The following PIEZO2 variants were observed in gnomAD, a reference collection of about 807,000 sequenced individuals.
The protein encoded by PIEZO2 is piezo type mechanosensitive ion channel component 2.
Under a neutral mutation model 337.3 loss-of-function variants are expected in PIEZO2, and 172 were observed. That is an observed-to-expected ratio of 0.51 (90% CI 0.45 to 0.58). The LOEUF is 0.58. Ranked by LOEUF, PIEZO2 falls within the 20% of genes least tolerant of loss-of-function variation. The pLI, the probability that PIEZO2 is intolerant of heterozygous loss-of-function variation, is 0.00. For synonymous variants in PIEZO2, 1,251 were observed against 1,228.5 expected (o/e 1.02, Z -0.38); for missense variants, 3,028 against 3,391.3 (o/e 0.89, Z 2.66).
chr18:11,113,171 C>T (rs1180391621), intron 1 of PIEZO2, among the ~76,000 whole-genome samples: 1 of 150,296 alleles, frequency 6.7e-6, no homozygotes, highest in African/African-American at 2.5e-5. Flanking sequence ...CCACCCCAGC[C>T]CCTGAAACCC....
rs779014437 is a variant in PIEZO2, at chr18:11,109,454, G to A, written c.64+39071C>T. Reference sequence around the variant, plus strand: ...AAATAGGCCAGGCGCGGTGGCTCATGTCTGTAATCCCAGCACTTTGGGAGG... The same window carrying A: ...AAATAGGCCAGGCGCGGTGGCTCATATCTGTAATCCCAGCACTTTGGGAGG... On this transcript the variant is annotated intron_variant, in intron 1 of 55. Coordinates refer to ENST00000674853, the MANE Select transcript of PIEZO2 (RefSeq NM_001378183.1). This position sits in a 1 kb window ranked among gnomAD's most constrained non-coding sequence, Gnocchi z 5.1. Among the ~76,000 whole-genome samples, 2 of 152,170 alleles carry A rather than the reference G, an allele frequency of 1.3e-5. No individual in the cohort carries two copies. The highest frequency in any genetic ancestry group is 2.4e-5 in the African/African-American group (1 of 41,436).
At chr18:10,843,208 TAAC>T (rs1186189857) in intron 7 of PIEZO2, among the ~76,000 whole-genome samples, 2 of 152,204 alleles carry the variant, frequency 1.3e-5, no homozygotes, top group East Asian at 3.8e-4. Context: ...TCTTAACTCT[TAAC>T]AAACAAGATG....
At chr18:10,671,916 C>T in intron 55 of PIEZO2, 137 bp from the exon 56 acceptor site, 1 of 803,996 alleles carries the variant, frequency 1.2e-6, no homozygotes, top group Non-Finnish European at 1.8e-6. Context: ...TACATTTTTT[C>T]CCTTTGGTTA....
At chr18:10,920,782 G>A (rs750397730) in intron 3 of PIEZO2, among the ~76,000 whole-genome samples, 5 of 152,146 alleles carry the variant, frequency 3.3e-5, no homozygotes, top group East Asian at 1.9e-4. Flanking sequence ...GGCCAGGCAC[G>A]GTGGCTCACA....
chr18:11,114,030 G>A (rs1202210434), intron 1 of PIEZO2, among the ~76,000 whole-genome samples: 1 of 152,228 alleles, frequency 6.6e-6, no homozygotes, highest in African/African-American at 2.4e-5. Flanking sequence ...CTACATTAAT[G>A]TAATGGATGC....
At chr18:10,820,629 T>C (rs1043003385) in intron 7 of PIEZO2, among the ~76,000 whole-genome samples, 10 of 152,244 alleles carry the variant, frequency 6.6e-5, no homozygotes, top group African/African-American at 2.4e-4. Context: ...CACTTATAGT[T>C]TGATTTTCAT....
At chr18:10,816,214 C>A (rs1200405509) in intron 7 of PIEZO2, among the ~76,000 whole-genome samples, 2 of 152,186 alleles carry the variant, frequency 1.3e-5, no homozygotes, top group Non-Finnish European at 2.9e-5. Context: ...GTGTGACTGA[C>A]ATTTTGGTGA....
Position 10,855,325 on chromosome 18 carries a change from C to T in PIEZO2, c.917+28G>A. ...CAAAGGCGTGGGGGGACAACCTCTCCTGGAAATGCCATAAGGATTTCTCTT... is the reference window on the plus strand; with the variant it reads ...CAAAGGCGTGGGGGGACAACCTCTCTTGGAAATGCCATAAGGATTTCTCTT... On this transcript the variant is annotated intron_variant, in intron 7 of 55. Transcript: ENST00000674853. This position sits in a 1 kb window ranked among gnomAD's most constrained non-coding sequence, Gnocchi z 4.9. The T allele has an allele frequency of 6.6e-7, 1 of 1,508,492 alleles. No homozygotes were observed. The highest frequency in any genetic ancestry group is 2.5e-5 in the East Asian group (1 of 40,702). 93.4% of individuals were successfully genotyped at this position (1,508,492 alleles called of 1,614,324 possible). A position where few individuals can be genotyped will look rare whatever the true frequency, so the allele number is the denominator to read the frequency against.
intron 45 of PIEZO2, 21 bp from the exon 46 acceptor site, chr18:10,696,560 C>T (rs754561923): frequency 1.1e-5 from 17 of 1,611,934 alleles, no homozygotes; most frequent in African/African-American, 5.3e-5. Context: ...GAGACCCCCA[C>T]CCCCAACCCA....
rs1337696561 is a variant in PIEZO2, at chr18:10,718,680, G to A, written c.5030-421C>T. 2.6e-5 allele frequency among the ~76,000 whole-genome samples: 4 copies of A among 152,282 alleles called. No individual in the cohort carries two copies. In the East Asian group the frequency reaches 7.7e-4, roughly 29 times the overall value. On this transcript the variant is annotated intron_variant, in intron 36 of 55. Coordinates refer to ENST00000674853, the MANE Select transcript of PIEZO2 (RefSeq NM_001378183.1). ...TTTTGCCCTATAATGGCAGATTTGA[G>A]TTGCAACAGAGACTTCATGAATAGT...
rs531924797 is a variant in PIEZO2, at chr18:10,962,009, C to T, written c.286+17526G>A. On this transcript the variant is annotated intron_variant, in intron 3 of 55. Transcript: ENST00000674853. The surrounding 1 kb of genome is among the most constrained non-coding windows in gnomAD (Gnocchi z 4.1). ...GTATAAATTCAGGTGAACTGCTGCA[C>T]TCTGTGGGCTCTGTGTAAAGCCATC... 4.6e-5 allele frequency among the ~76,000 whole-genome samples: 7 copies of T among 152,304 alleles called. No individual in the cohort carries two copies. The highest frequency in any genetic ancestry group is 1.3e-4 in the Admixed American group (2 of 15,298).
At chr18:10,807,966 T>C (rs1183021787) in intron 7 of PIEZO2, among the ~76,000 whole-genome samples, 3 of 152,232 alleles carry the variant, frequency 2.0e-5, no homozygotes, top group African/African-American at 4.8e-5. Flanking sequence ...TGGAAAACTG[T>C]GTAAAATATG....
At chr18:11,024,162 C>A (rs372293047) in intron 2 of PIEZO2, among the ~76,000 whole-genome samples, 15 of 152,188 alleles carry the variant, frequency 9.9e-5, no homozygotes, top group East Asian at 3.9e-4. Context: ...GCAGAGGCAC[C>A]GAAAGCGAGC....
chr18:10,851,952 T>A (rs1313749154), intron 7 of PIEZO2, among the ~76,000 whole-genome samples: 1 of 152,160 alleles, frequency 6.6e-6, no homozygotes, highest in Non-Finnish European at 1.5e-5. Context: ...TAAAAGATCC[T>A]TAAGCCAGTA....
chr18:10,760,826 A>G (rs2038096348), intron 24 of PIEZO2, 85 bp downstream of exon 24: 1 of 1,140,852 alleles, frequency 8.8e-7, no homozygotes, highest in Admixed American at 2.2e-5. Flanking sequence ...GATGTATCAC[A>G]AAGTTCCAGT....
chr18:10,890,247 A>G (rs959393783), intron 4 of PIEZO2, among the ~76,000 whole-genome samples: 1 of 152,216 alleles, frequency 6.6e-6, no homozygotes, highest in Non-Finnish European at 1.5e-5. Flanking sequence ...TGCTTGAACT[A>G]AAGTGTGAGG....
chr18:10,964,939 T>C (rs1275468463), intron 3 of PIEZO2, among the ~76,000 whole-genome samples: 1 of 152,266 alleles, frequency 6.6e-6, no homozygotes, highest in East Asian at 1.9e-4. Flanking sequence ...ACTTTAGTTT[T>C]ATGGCTGAAT....
At chr18:11,049,405 G>C (rs1318178824) in intron 2 of PIEZO2, among the ~76,000 whole-genome samples, 1 of 152,182 alleles carries the variant, frequency 6.6e-6, no homozygotes. Flanking sequence ...TACAAGGCCT[G>C]GTAGAGCAGA....
rs1426276310 is a variant in PIEZO2, at chr18:10,783,385, T to C, written c.2492+1399A>G. Among the ~76,000 whole-genome samples, 2 of 152,358 alleles carry C rather than the reference T, an allele frequency of 1.3e-5. No homozygotes were observed. Among genetic ancestry groups the C allele is most frequent in the Non-Finnish European group, 1.5e-5 (1 of 68,034 alleles). ...AAATAATGATTAAAAAAATCCTTTT[T>C]CTGATTATTGACAATTCTCACTTTT... On this transcript the variant is annotated intron_variant, in intron 17 of 55. Transcript: ENST00000674853. The surrounding 1 kb of genome is among the most constrained non-coding windows in gnomAD (Gnocchi z 4.3).
Sources: allele counts gnomAD v4.1 joint callset (sites outside exome capture counted in the v4.1 genomes callset), GRCh38; gene constraint gnomAD v4.1.1; non-coding constraint Gnocchi (gnomAD v3.1); transcripts MANE v1.5; gene names NCBI Gene and HGNC (gene_info 2026-07-23, HGNC 2026-07-21).